ARHGEF10L: variants seen among roughly 807,000 people sequenced by gnomAD.
ARHGEF10L encodes the protein Rho guanine nucleotide exchange factor 10 like.
In ARHGEF10L, 69 loss-of-function variants were observed where a neutral mutation model predicts 141.2. The ratio of observed to expected loss-of-function variants is 0.49; its 90% CI spans 0.40 to 0.60. ARHGEF10L has a LOEUF of 0.60. Ranked by LOEUF, ARHGEF10L falls within the 20% of genes least tolerant of loss-of-function variation. The pLI is 0.00. For missense variants in ARHGEF10L, 1,482 were observed against 1,734.3 expected (o/e 0.85, Z 2.58); for synonymous variants, 711 against 718.5 (o/e 0.99, Z 0.17).
chr1:17,603,959 C>T lies in ARHGEF10L; in HGVS notation c.433+368C>T, dbSNP rs1557798179. On this transcript the variant is annotated intron_variant, in intron 6 of 28. Coordinates refer to ENST00000361221, the MANE Select transcript of ARHGEF10L (RefSeq NM_018125.4). This position sits in a 1 kb window ranked among gnomAD's most constrained non-coding sequence, Gnocchi z 4.8. ...AAAGGGTGAAGCAGATAAAGCTTTG[C>T]AAAGCCCTGCGCCCTGCTCTGGGTT... Among the ~76,000 whole-genome samples the T allele has an allele frequency of 6.6e-6, 1 of 152,128 alleles. No individual in the cohort carries two copies. The highest frequency in any genetic ancestry group is 2.4e-5 in the African/African-American group (1 of 41,416).
In ARHGEF10L at chr1:17,637,038, C is replaced by T. The variant is rs568416813; in HGVS notation, c.1928-850C>T. 3.9e-5 allele frequency among the ~76,000 whole-genome samples: 6 copies of T among 152,202 alleles called. No homozygotes were observed. In the East Asian group the frequency reaches 1.2e-3, roughly 30 times the overall value. The stretch of plus-strand genomic sequence containing the variant: ...CCCCCTCACCCCATCACTGTCCCAC[C>T]ACACTGATATCTTTCTCCCCACCAC... On this transcript the variant is annotated intron_variant, in intron 18 of 28. Transcript: ENST00000361221.
At chr1:17,544,924 A>C (rs2076864045) in intron 1 of ARHGEF10L, among the ~76,000 whole-genome samples, 1 of 152,078 alleles carries the variant, frequency 6.6e-6, no homozygotes, top group African/African-American at 2.4e-5. Flanking sequence ...CCTTTATAAA[A>C]CCTTCAGGTC....
rs557601499 is a variant in ARHGEF10L, at chr1:17,618,711, T to C, written c.836-628T>C. On this transcript the variant is annotated intron_variant, in intron 9 of 28. Coordinates refer to ENST00000361221, the MANE Select transcript of ARHGEF10L (RefSeq NM_018125.4). ...CTTGCTCTGTTGGGGGCTGGAACCC[T>C]CTCCGGAGCCTCCCTCACTATCTGA... Among the ~76,000 whole-genome samples, 35 of 152,252 alleles carry C rather than the reference T, an allele frequency of 2.3e-4. No individual in the cohort carries two copies. The South Asian group carries it at 2.7e-3, about 12-fold the overall frequency.
At chr1:17,577,691 G>C (rs1484310477) in intron 1 of ARHGEF10L, among the ~76,000 whole-genome samples, 1 of 152,224 alleles carries the variant, frequency 6.6e-6, no homozygotes, top group African/African-American at 2.4e-5. Context: ...AGCCCCAAAG[G>C]CTAGGGAGGC....
chr1:17,619,385 G>A lies in ARHGEF10L; in HGVS notation c.882G>A (p.Ser294=), dbSNP rs139795682. 85 of 1,612,904 alleles carry A rather than the reference G, an allele frequency of 5.3e-5. No homozygotes were observed. The Admixed American group carries it at 5.8e-4, about 11-fold the overall frequency. The change falls in exon 10 of 29, where the codon TCG becomes TCA. Residue 294 remains serine (S), a synonymous_variant. Transcript: ENST00000361221. This position sits in a 1 kb window ranked among gnomAD's most constrained non-coding sequence, Gnocchi z 5.0. ...TGGGGCTCCTGGAGGTCAGCGTTTC[G>A]GACATCAAGCCCCCAGCCCCAGAGC... is the stretch of plus-strand genomic sequence containing the variant. The part of the protein sequence containing the change: ...EDMGLLEVSV[S]DIKPPAPELG...
At chr1:17,594,283 A>G (rs1249764749) in intron 4 of ARHGEF10L, among the ~76,000 whole-genome samples, 1 of 151,980 alleles carries the variant, frequency 6.6e-6, no homozygotes, top group African/African-American at 2.4e-5. Context: ...TGGCACAGAG[A>G]GGACATGACA....
At chr1:17,542,171 G>A (rs2076754246) in intron 1 of ARHGEF10L, among the ~76,000 whole-genome samples, 1 of 151,816 alleles carries the variant, frequency 6.6e-6, no homozygotes, top group Non-Finnish European at 1.5e-5. Flanking sequence ...GAAGAAGATT[G>A]AGCATGGTGG....
intron 21 of ARHGEF10L, among the ~76,000 whole-genome samples, chr1:17,645,482 G>C (rs993618984): frequency 6.6e-6 from 1 of 152,124 alleles, no homozygotes; most frequent in South Asian, 2.1e-4. Flanking sequence ...CAGGGGCTAG[G>C]GTGGGGAGAT....
rs933186035 is a variant in ARHGEF10L, at chr1:17,587,284, T to C, written c.38-176T>C. Among the ~76,000 whole-genome samples, 8 of 151,454 alleles carry C rather than the reference T, an allele frequency of 5.3e-5. No individual in the cohort carries two copies. In the South Asian group the frequency reaches 6.3e-4, roughly 12 times the overall value. On this transcript the variant is annotated intron_variant, in intron 2 of 28. Coordinates refer to ENST00000361221, the MANE Select transcript of ARHGEF10L (RefSeq NM_018125.4). ...TGCTTAGAGACCTAACCCAACCCCC[T>C]CCCCCCGGCCTTACCAGCACTGTAG... is the stretch of plus-strand genomic sequence containing the variant.
chr1:17,683,312 C>T (rs1290482865), intron 26 of ARHGEF10L, among the ~76,000 whole-genome samples: 3 of 92,804 alleles, frequency 3.2e-5, no homozygotes, highest in Non-Finnish European at 4.5e-5. Context: ...TGCTCTCACC[C>T]GGGTGCTCAC....
intron 8 of ARHGEF10L, 141 bp downstream of exon 8, chr1:17,613,315 C>G: frequency 1.5e-6 from 1 of 660,428 alleles, no homozygotes; most frequent in Non-Finnish European, 2.7e-6. Flanking sequence ...AGACCTGGAC[C>G]CTGGCCACCC....
intron 26 of ARHGEF10L, among the ~76,000 whole-genome samples, chr1:17,686,565 GAGT>G (rs1455166979): frequency 2.0e-5 from 3 of 152,172 alleles, no homozygotes; most frequent in Non-Finnish European, 4.4e-5. Flanking sequence ...CTCTGAAGTG[GAGT>G]CTTCAGATGT....
intron 26 of ARHGEF10L, among the ~76,000 whole-genome samples, chr1:17,672,523 C>T (rs900057844): frequency 2.0e-5 from 3 of 152,156 alleles, no homozygotes; most frequent in Non-Finnish European, 4.4e-5. Flanking sequence ...CAGGGTCTCG[C>T]GTCCTATCAC....
chr1:17,567,452 C>T (rs760323584), intron 1 of ARHGEF10L, among the ~76,000 whole-genome samples: 6 of 152,126 alleles, frequency 3.9e-5, no homozygotes, highest in South Asian at 2.1e-4. Flanking sequence ...CTGTAATCTT[C>T]GCCTCCCAGG....
chr1:17,679,477 G>T (rs777375045), intron 26 of ARHGEF10L, among the ~76,000 whole-genome samples: 14 of 152,204 alleles, frequency 9.2e-5, no homozygotes, highest in Non-Finnish European at 1.8e-4. Flanking sequence ...GGGGCTTCCA[G>T]TGCCGCAGCC....
chr1:17,608,824 G>T (rs1019970846), intron 7 of ARHGEF10L, among the ~76,000 whole-genome samples: 1 of 152,048 alleles, frequency 6.6e-6, no homozygotes, highest in Non-Finnish European at 1.5e-5. Context: ...TCACTCTTTC[G>T]CCCAGGCTGG....
intron 26 of ARHGEF10L, among the ~76,000 whole-genome samples, chr1:17,684,025 G>T (rs1353160822): frequency 6.6e-6 from 1 of 152,218 alleles, no homozygotes; most frequent in Non-Finnish European, 1.5e-5. Flanking sequence ...TTGTGCATCC[G>T]TGAGCAAGGA....
Position 17,618,459 on chromosome 1 carries a change from C to A in ARHGEF10L, c.836-880C>A, listed in dbSNP as rs558404593. ...GTGGGCCCGGCAGGAGGGTCTGCAC[C>A]ACCCCCACCCCCACGCCGTCATCCG... On this transcript the variant is annotated intron_variant, in intron 9 of 28. Coordinates refer to ENST00000361221, the MANE Select transcript of ARHGEF10L (RefSeq NM_018125.4). 6.7e-5 allele frequency: 99 copies of A among 1,479,996 alleles called. No individual in the cohort carries two copies. In the Admixed American group the frequency reaches 1.9e-3, roughly 29 times the overall value. 91.7% of individuals were successfully genotyped at this position (1,479,996 alleles called of 1,614,324 possible).
At chr1:17,588,894 GT>G in intron 4 of ARHGEF10L, among the ~76,000 whole-genome samples, 2 of 112,630 alleles carry the variant, frequency 1.8e-5, no homozygotes, top group African/African-American at 3.5e-5. Context: ...GTGTGTGTGT[GT>G]GTGTAGTGGG....
Sources: allele counts gnomAD v4.1 joint callset (sites outside exome capture counted in the v4.1 genomes callset), GRCh38; gene constraint gnomAD v4.1.1; non-coding constraint Gnocchi (gnomAD v3.1); transcripts MANE v1.5; gene names NCBI Gene and HGNC (gene_info 2026-07-23, HGNC 2026-07-21).